Variants in PIK3CD observed in about 807,000 individuals in gnomAD.
The protein encoded by PIK3CD is phosphatidylinositol 4,5-bisphosphate 3-kinase catalytic subunit delta isoform.
PIK3CD carries 20 observed loss-of-function variants against 122.9 expected under a neutral mutation model. The ratio of observed to expected loss-of-function variants is 0.16; its 90% confidence interval spans 0.11 to 0.24. The LOEUF (loss-of-function observed/expected upper bound fraction) is 0.24, where lower values mean the gene tolerates loss of function less well. Ranked by LOEUF, PIK3CD falls within the 10% of genes least tolerant of loss-of-function variation. PIK3CD has a pLI of 1.00. For synonymous variants in PIK3CD, 596 were observed against 593.4 expected (o/e 1.00, Z -0.06); for missense variants, 787 against 1,406.3 (o/e 0.56, Z 7.04).
At position 9,724,737 on chromosome 1, in the gene PIK3CD, C is replaced by A; in HGVS notation, c.2865-67C>A. On this transcript the variant is annotated intron_variant, in intron 22 of 23. Coordinates refer to ENST00000377346, the MANE Select transcript of PIK3CD (RefSeq NM_005026.5). The surrounding 1 kb of genome is among the most constrained non-coding windows in gnomAD (Gnocchi z 7.3). ...CCTTGGGGAAGGGGCTGGTTGGATG[C>A]AGAGCGGCCCTCTGGCCTGTGGCTG... is the stretch of plus-strand genomic sequence containing the variant. The A allele has an allele frequency of 6.2e-7, 1 of 1,600,468 alleles. No homozygotes were observed. The highest frequency in any genetic ancestry group is 8.5e-7 in the Non-Finnish European group (1 of 1,169,908).
chr1:9,636,922 G>C, the PIK3CD span, among the ~76,000 whole-genome samples: 1 of 151,172 alleles, frequency 6.6e-6, no homozygotes, highest in African/African-American at 2.4e-5. Context: ...TTTTGAGACG[G>C]AGTCTCTCTC....
chr1:9,662,969 G>A (rs1570093188), intron 1 of PIK3CD, among the ~76,000 whole-genome samples: 2 of 152,282 alleles, frequency 1.3e-5, no homozygotes, highest in African/African-American at 2.4e-5. Flanking sequence ...GATGACAGGC[G>A]TGAGCCACTG....
chr1:9,681,716 C>T (rs1254033823), intron 1 of PIK3CD, among the ~76,000 whole-genome samples: 1 of 152,140 alleles, frequency 6.6e-6, no homozygotes, highest in Non-Finnish European at 1.5e-5. Context: ...GGCCCGGATT[C>T]TTTTATAATC....
At position 9,716,422 on chromosome 1, in the gene PIK3CD, C is replaced by T. The variant is rs1011774127; in HGVS notation, c.601-18C>T. The stretch of plus-strand genomic sequence containing the variant: ...GGGGGCCTCGAGGGCAGAGGACTGA[C>T]CTCCCTCCTCCCCACAGGAGAGCTT... On this transcript the variant is annotated intron_variant, in intron 5 of 23. Coordinates refer to ENST00000377346, the MANE Select transcript of PIK3CD (RefSeq NM_005026.5). The T allele has an allele frequency of 1.9e-6, 3 of 1,610,414 alleles. No homozygotes were observed. Among genetic ancestry groups the T allele is most frequent in the Non-Finnish European group, 2.5e-6 (3 of 1,179,420 alleles).
intron 2 of PIK3CD, among the ~76,000 whole-genome samples, chr1:9,698,497 C>T (rs1329943265): frequency 6.6e-6 from 1 of 152,220 alleles, no homozygotes; most frequent in Non-Finnish European, 1.5e-5. Context: ...TGATAAATGT[C>T]TGTGCACTTA....
Position 9,727,099 on chromosome 1 carries a change from C to G in PIK3CD, c.*53C>G. The G allele has an allele frequency of 6.2e-7, 1 of 1,608,146 alleles. No homozygotes were observed. The highest frequency in any genetic ancestry group is 8.5e-7 in the Non-Finnish European group (1 of 1,175,448). ...GGAGGCGGCTGCGGGTCGTGGGGAC[C>G]AAGCACATTGGTCCTAAAGGGGCTG... On this transcript the variant is annotated 3_prime_UTR_variant, in exon 24 of 24. Coordinates refer to ENST00000377346, the MANE Select transcript of PIK3CD (RefSeq NM_005026.5).
At chr1:9,654,486 A>AG (rs55746245) in intron 1 of PIK3CD, 570,588 of 1,240,598 alleles carry the variant, frequency 0.46, 144,199 homozygotes, top group East Asian at 0.91. Context: ...GGTTGTGCGA[A>AG]AGCCAGCCCG....
At chr1:9,629,504 CA>C in the PIK3CD span, among the ~76,000 whole-genome samples, 1 of 109,578 alleles carries the variant, frequency 9.1e-6, no homozygotes, top group Non-Finnish European at 1.7e-5. Flanking sequence ...AGAACAAAAA[CA>C]TACCACAAAT....
intron 23 of PIK3CD, among the ~76,000 whole-genome samples, chr1:9,725,583 AAG>A (rs889420328): frequency 6.0e-5 from 9 of 150,486 alleles, no homozygotes; most frequent in African/African-American, 2.2e-4. Flanking sequence ...ATAATAAAAA[AAG>A]ATATTTTTCC....
chr1:9,686,119 C>T (rs1436488674), intron 1 of PIK3CD, among the ~76,000 whole-genome samples: 1 of 152,192 alleles, frequency 6.6e-6, no homozygotes, highest in Non-Finnish European at 1.5e-5. Context: ...ACTCTTCCAT[C>T]TTCTAGGGCT....
chr1:9,699,230 G>T (rs1476685845), intron 2 of PIK3CD, among the ~76,000 whole-genome samples: 2 of 152,104 alleles, frequency 1.3e-5, no homozygotes, highest in African/African-American at 4.8e-5. Context: ...CAAAAAAAGA[G>T]TAGGCTGCTG....
At chr1:9,648,131 G>A (rs914258609), upstream of PIK3CD, among the ~76,000 whole-genome samples, 1 of 152,186 alleles carries the variant, frequency 6.6e-6, no homozygotes, top group South Asian at 2.1e-4. Context: ...CAGAAAAGGG[G>A]AGATGATAGA....
Position 9,723,290 on chromosome 1 carries a change from G to A in PIK3CD, c.2592G>A (p.Pro864=), listed in dbSNP as rs201426574. Residue 864 remains proline (P), a splice_region_variant and synonymous_variant, in exon 20 of 24, where the codon CCG becomes CCA. Coordinates refer to ENST00000377346, the MANE Select transcript of PIK3CD (RefSeq NM_005026.5). This position sits in a 1 kb window ranked among gnomAD's most constrained non-coding sequence, Gnocchi z 4.9. ...ALLNWLKSKN[P]GEALDRAIEE... is the part of the protein sequence containing the mutation. The stretch of plus-strand genomic sequence containing the variant: ...TCAACTGGCTGAAGTCCAAGAACCC[G>A]GGGTGGGTTTCAGGCCCAGGGATAG... The A allele has an allele frequency of 3.4e-5, 55 of 1,613,894 alleles. No homozygotes were observed. Among genetic ancestry groups the A allele is most frequent in the African/African-American group, 1.3e-4 (10 of 75,048 alleles).
In PIK3CD at chr1:9,651,759, G is replaced by C. The variant is rs1216442282; in HGVS notation, c.-181G>C. On this transcript the variant is annotated 5_prime_UTR_variant, in exon 1 of 24. Transcript: ENST00000377346. Reference sequence around the variant, plus strand: ...CGCGCCCAGCGCAGTCGCTCCGAGCGGCCGCGAGCAGAGCCGCCCAGCCCT... The same window carrying C: ...CGCGCCCAGCGCAGTCGCTCCGAGCCGCCGCGAGCAGAGCCGCCCAGCCCT... The C allele has an allele frequency of 1.3e-5, 2 of 152,056 alleles. No individual in the cohort carries two copies. Among genetic ancestry groups the C allele is most frequent in the Non-Finnish European group, 2.9e-5 (2 of 67,982 alleles). The allele number at this position is 152,056 out of a possible 1,614,324, so 9.4% of individuals were successfully genotyped here. A position where few individuals can be genotyped will look rare whatever the true frequency, so the allele number is the denominator to read the frequency against.
chr1:9,675,100 T>A (rs906884876), intron 1 of PIK3CD, among the ~76,000 whole-genome samples: 9 of 150,944 alleles, frequency 6.0e-5, no homozygotes, highest in African/African-American at 2.2e-4. Context: ...ACAACCCTGT[T>A]TGAGGCCGGG....
chr1:9,657,979 G>A (rs1281341162), intron 1 of PIK3CD, among the ~76,000 whole-genome samples: 1 of 152,118 alleles, frequency 6.6e-6, no homozygotes, highest in Non-Finnish European at 1.5e-5. Flanking sequence ...CCCCCCCCTT[G>A]CATCAGCCAC....
the PIK3CD span, among the ~76,000 whole-genome samples, chr1:9,627,991 G>A: frequency 6.6e-6 from 1 of 152,268 alleles, no homozygotes; most frequent in African/African-American, 2.4e-5. Flanking sequence ...TGAGGCTGCA[G>A]TGAGCTGAGA....
chr1:9,724,236 A>G lies in PIK3CD; in HGVS notation c.2719-40A>G. 2 of 1,613,024 alleles carry G rather than the reference A, an allele frequency of 1.2e-6. No homozygotes were observed. The highest frequency in any genetic ancestry group is 1.7e-6 in the Non-Finnish European group (2 of 1,179,732). On this transcript the variant is annotated intron_variant, in intron 21 of 23. Coordinates refer to ENST00000377346, the MANE Select transcript of PIK3CD (RefSeq NM_005026.5). This position sits in a 1 kb window ranked among gnomAD's most constrained non-coding sequence, Gnocchi z 7.3. ...TCTCCCCTGGATTCTCTCCTGTCTG[A>G]CACCTTCTCAATCCTCCCCCTCCTC... is the stretch of plus-strand genomic sequence containing the variant.
At chr1:9,654,301 G>T (rs774587756) in intron 1 of PIK3CD, 1 of 1,367,726 alleles carries the variant, frequency 7.3e-7, no homozygotes, top group Non-Finnish European at 9.8e-7. Flanking sequence ...TGCAGCCTCA[G>T]TCCACGCCGC....
Sources: allele counts gnomAD v4.1 joint callset (sites outside exome capture counted in the v4.1 genomes callset), GRCh38; gene constraint gnomAD v4.1.1; non-coding constraint Gnocchi (gnomAD v3.1); transcripts MANE v1.5; gene names NCBI Gene and HGNC (gene_info 2026-07-23, HGNC 2026-07-21).